TAF3: variants seen among roughly 807,000 people sequenced by gnomAD.
TAF3 encodes transcription initiation factor TFIID subunit 3.
Under a neutral mutation model 80.6 loss-of-function variants are expected in TAF3, and 7 were observed. That is an observed-to-expected ratio of 0.09 (90% CI 0.05 to 0.16). TAF3 has a LOEUF of 0.16. Ranked by LOEUF, TAF3 falls within the 10% of genes least tolerant of loss-of-function variation. TAF3 has a pLI of 1.00. For missense variants in TAF3, 921 were observed against 1,140.2 expected (o/e 0.81, Z 2.77); for synonymous variants, 444 against 446.1 (o/e 1.00, Z 0.06).
chr10:7,851,912 TGAGA>T (rs1837030637), intron 2 of TAF3, among the ~76,000 whole-genome samples: 1 of 151,688 alleles, frequency 6.6e-6, no homozygotes, highest in Non-Finnish European at 1.5e-5. Context: ...CCTGAGTAGC[TGAGA>T]CTACAGGCGT....
intron 1 of TAF3, among the ~76,000 whole-genome samples, chr10:7,823,783 C>T (rs1159017726): frequency 2.0e-5 from 3 of 151,984 alleles, no homozygotes; most frequent in African/African-American, 4.8e-5. Flanking sequence ...TACAGGCCTG[C>T]GCCACCACGC....
At chr10:7,824,280 T>C in intron 1 of TAF3, 38 bp from the exon 2 acceptor site, 1 of 1,578,530 alleles carries the variant, frequency 6.3e-7, no homozygotes, top group East Asian at 2.3e-5. Context: ...TCGTGGGATT[T>C]CTTCAAATAA....
At chr10:7,937,550 T>C (rs529994651) in intron 2 of TAF3, among the ~76,000 whole-genome samples, 1 of 152,358 alleles carries the variant, frequency 6.6e-6, no homozygotes, top group African/African-American at 2.4e-5. Flanking sequence ...ATTTTTTTGT[T>C]GTTGAGTTTT....
intron 2 of TAF3, among the ~76,000 whole-genome samples, chr10:7,875,320 G>A (rs574953823): frequency 1.5e-4 from 23 of 152,028 alleles, no homozygotes; most frequent in African/African-American, 4.8e-4. Flanking sequence ...TATAAATGAC[G>A]TTCTTTGAGC....
chr10:7,902,647 C>CT (rs1483352633), intron 2 of TAF3, among the ~76,000 whole-genome samples: 2 of 152,014 alleles, frequency 1.3e-5, no homozygotes, highest in Non-Finnish European at 2.9e-5. Context: ...CAGATGGTGT[C>CT]TATCGGATGT....
intron 1 of TAF3, among the ~76,000 whole-genome samples, chr10:7,821,364 T>C (rs942521826): frequency 6.6e-6 from 1 of 152,206 alleles, no homozygotes; most frequent in African/African-American, 2.4e-5. Context: ...ATCCTTTCTG[T>C]TGTTTTAACA....
chr10:7,985,780 CTTTTTTT>C (rs71477297), intron 4 of TAF3, among the ~76,000 whole-genome samples: 4 of 107,984 alleles, frequency 3.7e-5, no homozygotes, highest in South Asian at 3.3e-4. Context: ...TTCTCTCTCT[CTTTTTTT>C]TTTTTTTTTT....
intron 2 of TAF3, among the ~76,000 whole-genome samples, chr10:7,926,866 T>C (rs186942326): frequency 6.0e-4 from 92 of 152,334 alleles, no homozygotes; most frequent in African/African-American, 2.1e-3. Context: ...GTAACAACTT[T>C]TTGTAGCATT....
chr10:7,856,222 C>T (rs4749315), intron 2 of TAF3, among the ~76,000 whole-genome samples: 7,262 of 152,206 alleles, frequency 0.048, 290 homozygotes, highest in Admixed American at 0.11. Flanking sequence ...CAGTGGCTCA[C>T]GCCAGCACTT....
rs1400123381 is a variant in TAF3, at chr10:7,991,790, T to C, written c.2315+14467T>C. Among the ~76,000 whole-genome samples, 27 of 152,204 alleles carry C rather than the reference T, an allele frequency of 1.8e-4. 1 individual carries two copies. Among genetic ancestry groups the C allele is most frequent in the Admixed American group, 1.8e-3 (27 of 15,274 alleles). On this transcript the variant is annotated intron_variant, in intron 4 of 6. Coordinates refer to ENST00000344293, the MANE Select transcript of TAF3 (RefSeq NM_031923.4). ...GTGATTTTGGTGAAGACCTAGCAGCTTTTTTGAATTTTAATATATTTTGAA... is the reference window on the plus strand; with the variant it reads ...GTGATTTTGGTGAAGACCTAGCAGCCTTTTTGAATTTTAATATATTTTGAA...
chr10:7,898,504 C>T (rs1301378586), intron 2 of TAF3, among the ~76,000 whole-genome samples: 1 of 149,872 alleles, frequency 6.7e-6, no homozygotes, highest in East Asian at 2.0e-4. Flanking sequence ...CTAGATCACG[C>T]CACTGCGCTC....
intron 2 of TAF3, among the ~76,000 whole-genome samples, chr10:7,957,794 G>GCTCTCTCTCTCTCT (rs376837630): frequency 2.1e-4 from 27 of 130,730 alleles, no homozygotes; most frequent in African/African-American, 3.5e-4. Flanking sequence ...TCTCTAGCGC[G>GCTCTCTCTCTCTCT]CTCTCTCTCT....
intron 2 of TAF3, among the ~76,000 whole-genome samples, chr10:7,927,821 G>A (rs1222804907): frequency 6.6e-6 from 1 of 152,160 alleles, no homozygotes; most frequent in African/African-American, 2.4e-5. Context: ...TTATAATCAT[G>A]TTTTGCTTAT....
chr10:7,837,907 A>G (rs1836868676), intron 2 of TAF3, among the ~76,000 whole-genome samples: 1 of 152,224 alleles, frequency 6.6e-6, no homozygotes, highest in Admixed American at 6.5e-5. Flanking sequence ...TAATAGAGGA[A>G]TGTTAATGAA....
intron 2 of TAF3, among the ~76,000 whole-genome samples, chr10:7,911,664 C>T (rs879488353): frequency 2.6e-5 from 4 of 152,192 alleles, no homozygotes; most frequent in Non-Finnish European, 4.4e-5. Context: ...CCTGAACGTA[C>T]GCTTAGTTTG....
chr10:7,949,284 G>A (rs1838058987), intron 2 of TAF3, among the ~76,000 whole-genome samples: 1 of 152,250 alleles, frequency 6.6e-6, no homozygotes, highest in African/African-American at 2.4e-5. Flanking sequence ...AGCACAGCCG[G>A]AAATAAAGAG....
intron 2 of TAF3, among the ~76,000 whole-genome samples, chr10:7,856,168 G>T (rs1413298106): frequency 6.6e-6 from 1 of 152,064 alleles, no homozygotes; most frequent in Non-Finnish European, 1.5e-5. Flanking sequence ...TAAAGGTAAG[G>T]AAATCCTAGA....
rs529142742 is a variant in TAF3 at position 7,970,072 on chromosome 10, C to T, written c.2232+4330C>T. On this transcript the variant is annotated intron_variant, in intron 3 of 6. Coordinates refer to ENST00000344293, the MANE Select transcript of TAF3 (RefSeq NM_031923.4). The stretch of plus-strand genomic sequence containing the variant: ...ACAATAAATGAAGAGCAGTTTGTGT[C>T]ATTTAATTAAGATAAGTAGAGGACT... 4.6e-5 allele frequency among the ~76,000 whole-genome samples: 7 copies of T among 152,320 alleles called. No individual in the cohort carries two copies. In the South Asian group the frequency reaches 1.5e-3, roughly 32 times the overall value.
chr10:7,994,977 G>GAA (rs71287400), intron 4 of TAF3, among the ~76,000 whole-genome samples: 78 of 97,646 alleles, frequency 8.0e-4, no homozygotes, highest in Non-Finnish European at 1.3e-3. Flanking sequence ...CTCAAAAAAA[G>GAA]AAAAAAAAAA....
Sources: gnomAD v4.1 joint callset for allele counts (sites outside exome capture counted in the v4.1 genomes callset) on GRCh38, gnomAD v4.1.1 for gene constraint, MANE v1.5 for transcripts, NCBI Gene and HGNC (gene_info 2026-07-23, HGNC 2026-07-21) for gene names.